RBMS3: variants seen among roughly 807,000 people sequenced by gnomAD.
RBMS3 encodes RNA binding motif single stranded interacting protein 3.
RBMS3 carries 27 observed loss-of-function variants against 66.8 expected under a neutral mutation model. The observed-to-expected ratio is 0.40, with a 90% CI of 0.30 to 0.56. The LOEUF (loss-of-function observed/expected upper bound fraction) is 0.56, where lower values mean the gene tolerates loss of function less well. RBMS3 is among the 20% of genes least tolerant of loss of function. RBMS3 has a pLI of 0.40. For synonymous variants in RBMS3, 188 were observed against 183.0 expected (o/e 1.03, Z -0.22); for missense variants, 513 against 549.5 (o/e 0.93, Z 0.66).
intron 7 of RBMS3, among the ~76,000 whole-genome samples, chr3:29,876,986 T>C (rs1176045630): frequency 8.5e-5 from 13 of 152,150 alleles, no homozygotes; most frequent in Non-Finnish European, 2.9e-5. Flanking sequence ...CATAACACAA[T>C]GGTGTGACTG....
intron 5 of RBMS3, among the ~76,000 whole-genome samples, chr3:29,748,757 G>T (rs1373830341): frequency 6.6e-6 from 1 of 152,138 alleles, no homozygotes; most frequent in East Asian, 1.9e-4. Flanking sequence ...ATTTCATCAA[G>T]ATGTTTTGAA....
intron 6 of RBMS3, among the ~76,000 whole-genome samples, chr3:29,805,148 C>T (rs889360278): frequency 1.8e-4 from 28 of 152,056 alleles, no homozygotes; most frequent in African/African-American, 6.3e-4. Context: ...GCGGTCTCAT[C>T]GTATTATAAT....
intron 6 of RBMS3, among the ~76,000 whole-genome samples, chr3:29,770,521 C>A (rs142053112): frequency 6.6e-6 from 1 of 151,914 alleles, no homozygotes; most frequent in Non-Finnish European, 1.5e-5. Flanking sequence ...GTTGTAATTT[C>A]ATGGGATAGA....
At chr3:29,532,237 C>CATACATAT (rs2045380447) in intron 3 of RBMS3, among the ~76,000 whole-genome samples, 6 of 92,138 alleles carry the variant, frequency 6.5e-5, no homozygotes, top group African/African-American at 3.8e-4. Context: ...TTTAATTTCG[C>CATACATAT]ATATATATGT....
At chr3:29,620,716 A>T (rs1014491651) in intron 4 of RBMS3, among the ~76,000 whole-genome samples, 1 of 152,064 alleles carries the variant, frequency 6.6e-6, no homozygotes, top group Non-Finnish European at 1.5e-5. Flanking sequence ...AGAAAAAAAA[A>T]TGTGTCTAAT....
chr3:29,337,934 A>C lies in RBMS3; in HGVS notation c.75+56178A>C, dbSNP rs1435771365. 2.0e-5 allele frequency among the ~76,000 whole-genome samples: 3 copies of C among 152,170 alleles called. No individual in the cohort carries two copies. The East Asian group carries it at 5.8e-4, about 29-fold the overall frequency. ...TTAGGAAAAAGCAGGTCACTTGGAAAACAACTCTGTTGACTACCTTATAAC... is the reference window on the plus strand; with the variant it reads ...TTAGGAAAAAGCAGGTCACTTGGAACACAACTCTGTTGACTACCTTATAAC... On this transcript the variant is annotated intron_variant, in intron 1 of 14. Coordinates refer to ENST00000383767, the MANE Select transcript of RBMS3 (RefSeq NM_001003793.3).
chr3:29,856,556 T>G (rs924563160), intron 6 of RBMS3, among the ~76,000 whole-genome samples: 1 of 152,162 alleles, frequency 6.6e-6, no homozygotes, highest in Non-Finnish European at 1.5e-5. Flanking sequence ...TTTAGAAAGG[T>G]CTATTGACAA....
At chr3:29,956,593 G>T (rs151318967) in intron 12 of RBMS3, among the ~76,000 whole-genome samples, 7 of 152,166 alleles carry the variant, frequency 4.6e-5, no homozygotes, top group Admixed American at 3.9e-4. Context: ...GAGAAAAAGT[G>T]GGGGAGGTAA....
chr3:29,807,369 A>G (rs894212623), intron 6 of RBMS3, among the ~76,000 whole-genome samples: 3 of 151,970 alleles, frequency 2.0e-5, no homozygotes. Flanking sequence ...AACATTGTAT[A>G]TGATTACTGC....
intron 4 of RBMS3, among the ~76,000 whole-genome samples, chr3:29,708,407 A>C (rs1270406954): frequency 6.6e-6 from 1 of 152,238 alleles, no homozygotes; most frequent in African/African-American, 2.4e-5. Flanking sequence ...CAAGAAAATT[A>C]AGAATTACCC....
intron 4 of RBMS3, among the ~76,000 whole-genome samples, chr3:29,734,549 G>T (rs1244626763): frequency 1.3e-5 from 2 of 151,990 alleles, no homozygotes; most frequent in Non-Finnish European, 2.9e-5. Flanking sequence ...AATTAAAAAT[G>T]TTTTTTAAAA....
intron 12 of RBMS3, among the ~76,000 whole-genome samples, chr3:29,974,041 T>C (rs1301490688): frequency 6.6e-6 from 1 of 151,960 alleles, no homozygotes; most frequent in Non-Finnish European, 1.5e-5. Context: ...CTCACTTGTA[T>C]TCCATTCTCA....
intron 4 of RBMS3, among the ~76,000 whole-genome samples, chr3:29,608,314 C>T (rs2048378921): frequency 6.6e-6 from 1 of 151,886 alleles, no homozygotes; most frequent in African/African-American, 2.4e-5. Flanking sequence ...TAAAATCAAA[C>T]AAATCTTTCC....
intron 1 of RBMS3, among the ~76,000 whole-genome samples, chr3:29,311,430 C>G (rs1248017545): frequency 1.3e-5 from 2 of 151,702 alleles, no homozygotes; most frequent in Non-Finnish European, 2.9e-5. Context: ...GCGAGGTGCA[C>G]TGCCAGATTG....
intron 3 of RBMS3, among the ~76,000 whole-genome samples, chr3:29,580,682 TATAATAATAATA>T (rs5847581): frequency 2.7e-5 from 4 of 147,660 alleles, no homozygotes; most frequent in African/African-American, 7.4e-5. Context: ...AATTTAATAA[TATAATAATAATA>T]ATAATAATAA....
chr3:29,604,704 A>T (rs1025070247), intron 4 of RBMS3, among the ~76,000 whole-genome samples: 9 of 151,996 alleles, frequency 5.9e-5, no homozygotes, highest in African/African-American at 1.9e-4. Context: ...ATATATGATT[A>T]TGCTTCTGGA....
At chr3:29,810,796 A>G (rs1158215578) in intron 6 of RBMS3, among the ~76,000 whole-genome samples, 2 of 152,210 alleles carry the variant, frequency 1.3e-5, no homozygotes, top group African/African-American at 2.4e-5. Context: ...TAACAGGTTC[A>G]TGATATACTG....
chr3:29,695,390 C>T (rs35571145), intron 4 of RBMS3, among the ~76,000 whole-genome samples: 69,507 of 151,916 alleles, frequency 0.46, 16,746 homozygotes, highest in South Asian at 0.55. Flanking sequence ...AGGCATTCCA[C>T]AAATGTAAGC....
Position 30,009,808 on chromosome 3 carries a change from T to A in RBMS3, c.*5946T>A, listed in dbSNP as rs185607730. On this transcript the variant is annotated 3_prime_UTR_variant, in exon 15 of 15. Transcript: ENST00000383767. ...TCCAAAGTGTAACTTTAATGTTATA[T>A]TTTGTTTCAAACCCTCTGGTCTAAG... The A allele has an allele frequency of 2.4e-4, 36 of 152,326 alleles. No homozygotes were observed. The highest frequency in any genetic ancestry group is 8.4e-4 in the African/African-American group (35 of 41,586). 9.4% of individuals were successfully genotyped at this position (152,326 alleles called of 1,614,324 possible). A position where few individuals can be genotyped will look rare whatever the true frequency, so the allele number is the denominator to read the frequency against.
Sources: allele counts gnomAD v4.1 joint callset (sites outside exome capture counted in the v4.1 genomes callset), GRCh38; gene constraint gnomAD v4.1.1; transcripts MANE v1.5; gene names NCBI Gene and HGNC (gene_info 2026-07-23, HGNC 2026-07-21).